The following TIAM2 variants were observed in gnomAD, a reference collection of about 807,000 sequenced individuals.
The protein encoded by TIAM2 is TIAM Rac1 associated GEF 2.
In TIAM2, 80 loss-of-function variants were observed where a neutral mutation model predicts 152.9. The observed-to-expected ratio is 0.52, with a 90% CI of 0.44 to 0.63. TIAM2 has a LOEUF of 0.63. Ranked by LOEUF, TIAM2 falls within the 30% of genes least tolerant of loss-of-function variation. The probability of loss-of-function intolerance (pLI) is 0.00; values close to 1 mark genes in which losing one functional copy is unlikely to be tolerated. For synonymous variants in TIAM2, 804 were observed against 838.0 expected, an observed-to-expected ratio of 0.96 and a Z score of 0.70; for missense variants, 1,965 against 2,120.1, an observed-to-expected ratio of 0.93 and a Z score of 1.44.
Position 155,008,479 on chromosome 6 carries a change from T to C in TIAM2, c.-209+12987T>C, listed in dbSNP as rs551624416. 5.3e-5 allele frequency among the ~76,000 whole-genome samples: 8 copies of C among 152,368 alleles called. No homozygotes were observed. In the South Asian group the frequency reaches 1.7e-3, roughly 32 times the overall value. On this transcript the variant is annotated intron_variant, in intron 1 of 26. Coordinates refer to ENST00000682666, the MANE Select transcript of TIAM2 (RefSeq NM_012454.4). Reference sequence around the variant, plus strand: ...ACTTTCCTACTCATTTCCAGGTCTCTGAACCAGGTTTTCCTGGAAGGAGCT... The same window carrying C: ...ACTTTCCTACTCATTTCCAGGTCTCCGAACCAGGTTTTCCTGGAAGGAGCT...
At chr6:155,160,673 A>T (rs1780245979) in intron 7 of TIAM2, among the ~76,000 whole-genome samples, 1 of 152,084 alleles carries the variant, frequency 6.6e-6, no homozygotes, top group South Asian at 2.1e-4. Context: ...AGTTGGGAGG[A>T]TCACTTGAGC....
intron 1 of TIAM2, among the ~76,000 whole-genome samples, chr6:155,080,628 C>T (rs534738207): frequency 2.9e-4 from 44 of 151,992 alleles, no homozygotes; most frequent in African/African-American, 9.2e-4. Context: ...ATAGTGGAGA[C>T]GGGGTTTCAC....
intron 7 of TIAM2, among the ~76,000 whole-genome samples, chr6:155,160,442 G>A (rs4870361): frequency 0.47 from 70,873 of 151,906 alleles, 17,016 homozygotes; most frequent in East Asian, 0.55. Context: ...ATATCTCCCA[G>A]AACATCCTTG....
In TIAM2 at chr6:155,129,524, A is replaced by G; in HGVS notation, c.301A>G (p.Lys101Glu). 2 of 1,614,120 alleles carry G rather than the reference A, an allele frequency of 1.2e-6. No homozygotes were observed. The highest frequency in any genetic ancestry group is 1.7e-6 in the Non-Finnish European group (2 of 1,179,996). ...CACGCACAGGACAAATGCCCCAGGG[A>G]AGGATTTCCAGGGCATCAGTGCTGC... is the stretch of plus-strand genomic sequence containing the variant. ...YSTHRTNAPG[K>E]DFQGISAAFS... Residue 101 changes from lysine to glutamate, a missense_variant, in exon 4 of 27, where the codon AAG becomes GAG. Physicochemically the swap from Lys to Glu is moderately conservative, Grantham distance 56. Around this residue, in one of 3 missense-constraint regions of TIAM2, gnomAD observed 1,025 missense variants for 1,119.4 expected, o/e 0.92. Transcript: ENST00000682666. The surrounding 1 kb of genome is among the most constrained non-coding windows in gnomAD (Gnocchi z 4.8).
In TIAM2 at chr6:155,240,060, T is replaced by C. The variant is rs1026034129; in HGVS notation, c.3169-470T>C. Among the ~76,000 whole-genome samples the C allele has an allele frequency of 9.2e-5, 14 of 152,228 alleles. No individual in the cohort carries two copies. The South Asian group carries it at 2.9e-3, about 32-fold the overall frequency. Reference sequence around the variant, plus strand: ...TGTGGCCAGGTCGTCCTGTAATTGCTCTTGGGCTGTGCCTCTCTTGAGTCT... The same window carrying C: ...TGTGGCCAGGTCGTCCTGTAATTGCCCTTGGGCTGTGCCTCTCTTGAGTCT... On this transcript the variant is annotated intron_variant, in intron 15 of 26. Coordinates refer to ENST00000682666, the MANE Select transcript of TIAM2 (RefSeq NM_012454.4).
At chr6:155,056,603 CATTT>C (rs1387044144) in intron 1 of TIAM2, among the ~76,000 whole-genome samples, 1 of 148,510 alleles carries the variant, frequency 6.7e-6, no homozygotes, top group Non-Finnish European at 1.5e-5. Flanking sequence ...TGATACCATT[CATTT>C]ATCTCTTGAC....
chr6:155,177,270 C>T (rs145009536), intron 10 of TIAM2, among the ~76,000 whole-genome samples: 9 of 152,086 alleles, frequency 5.9e-5, no homozygotes, highest in African/African-American at 1.4e-4. Flanking sequence ...TTATGAAATC[C>T]GTTGCTATTT....
intron 4 of TIAM2, among the ~76,000 whole-genome samples, chr6:155,130,659 C>G (rs1779425023): frequency 3.9e-5 from 6 of 152,194 alleles, no homozygotes; most frequent in Admixed American, 3.9e-4. Flanking sequence ...TCAGCTTGGG[C>G]AGCAAACAAA....
At chr6:155,250,464 A>C (rs1460253776) in intron 21 of TIAM2, 1 of 1,267,732 alleles carries the variant, frequency 7.9e-7, no homozygotes, top group Non-Finnish European at 1.1e-6. Flanking sequence ...TAGGGAGAAA[A>C]TGGCAGGAAC....
At chr6:155,168,983 T>G (rs574251861) in intron 9 of TIAM2, 200 of 1,329,378 alleles carry the variant, frequency 1.5e-4, no homozygotes, top group African/African-American at 1.3e-3. Context: ...ACTTTTTCTG[T>G]TTTTTTTTGT....
chr6:155,117,864 C>T (rs1485077247), intron 2 of TIAM2, among the ~76,000 whole-genome samples: 1 of 152,248 alleles, frequency 6.6e-6, no homozygotes, highest in African/African-American at 2.4e-5. Flanking sequence ...TTCTGTCCCT[C>T]ATGGTGTCCA....
intron 7 of TIAM2, among the ~76,000 whole-genome samples, chr6:155,150,569 G>A (rs1360979488): frequency 6.6e-6 from 1 of 152,160 alleles, no homozygotes; most frequent in African/African-American, 2.4e-5. Flanking sequence ...GACAAGAGTT[G>A]GCAGTTAGGT....
chr6:155,254,574 G>A lies in TIAM2; in HGVS notation c.4468+1G>A. Reference sequence around the variant, plus strand: ...CGAGTTCCTGTTTCGGCCAAATTAGGTGAGAATTTTGCTAGCCTTGTGTTT... The same window carrying A: ...CGAGTTCCTGTTTCGGCCAAATTAGATGAGAATTTTGCTAGCCTTGTGTTT... On this transcript the variant is annotated splice_donor_variant, in intron 26 of 26. Coordinates refer to ENST00000682666, the MANE Select transcript of TIAM2 (RefSeq NM_012454.4). LOFTEE classifies it high-confidence loss of function. The A allele has an allele frequency of 1.2e-6, 2 of 1,609,504 alleles. No individual in the cohort carries two copies. Among genetic ancestry groups the A allele is most frequent in the Non-Finnish European group, 1.7e-6 (2 of 1,175,980 alleles).
chr6:155,137,727 C>A (rs1779589104), intron 5 of TIAM2, 115 bp downstream of exon 5: 1 of 1,176,542 alleles, frequency 8.5e-7, no homozygotes, highest in Non-Finnish European at 1.2e-6. Context: ...GGGTTTGACA[C>A]AGGATCCATG....
intron 2 of TIAM2, among the ~76,000 whole-genome samples, chr6:155,127,252 A>G (rs773335618): frequency 6.6e-6 from 1 of 152,178 alleles, no homozygotes; most frequent in East Asian, 1.9e-4. Context: ...AAACAAAGGC[A>G]TGCATTTGAC....
chr6:155,047,828 G>A (rs1245559517), intron 1 of TIAM2, among the ~76,000 whole-genome samples: 2 of 151,954 alleles, frequency 1.3e-5, no homozygotes, highest in East Asian at 1.9e-4. Context: ...GAAACAAAAG[G>A]AACAAATAGG....
intron 2 of TIAM2, among the ~76,000 whole-genome samples, chr6:155,111,291 C>G (rs908853945): frequency 2.1e-5 from 3 of 140,770 alleles, no homozygotes; most frequent in Non-Finnish European, 4.7e-5. Context: ...TCCATATATT[C>G]TTGGAATACA....
At chr6:155,168,200 C>A (rs1780491222) in intron 9 of TIAM2, among the ~76,000 whole-genome samples, 1 of 151,820 alleles carries the variant, frequency 6.6e-6, no homozygotes, top group African/African-American at 2.4e-5. Context: ...ATTCTTCTAC[C>A]CAAACAAACC....
At chr6:155,029,139 A>C (rs1204467742) in intron 1 of TIAM2, among the ~76,000 whole-genome samples, 1 of 121,918 alleles carries the variant, frequency 8.2e-6, no homozygotes, top group Non-Finnish European at 1.7e-5. Flanking sequence ...TATGTGTTAT[A>C]TACACTATAT....
Sources: allele counts gnomAD v4.1 joint callset (sites outside exome capture counted in the v4.1 genomes callset), GRCh38; gene constraint gnomAD v4.1.1; regional missense constraint gnomAD v4.1.1; non-coding constraint Gnocchi (gnomAD v3.1); transcripts MANE v1.5; gene names NCBI Gene and HGNC (gene_info 2026-07-23, HGNC 2026-07-21).